Variants in CSMD1 observed in about 807,000 individuals in gnomAD.
The protein encoded by CSMD1 is CUB and sushi domain-containing protein 1.
A neutral mutation model predicts 417.5 loss-of-function variants in CSMD1; 213 were observed. That is an observed-to-expected ratio of 0.51 (90% confidence interval 0.46 to 0.57). The LOEUF is 0.57. CSMD1 is among the 20% of genes least tolerant of loss of function. The pLI is 0.00. For synonymous variants in CSMD1, 2,862 were observed against 1,736.8 expected, an observed-to-expected ratio of 1.65 and a Z score of -16.11; for missense variants, 6,923 against 4,529.7, an observed-to-expected ratio of 1.53 and a Z score of -15.17.
At chr8:3,748,415 G>A (rs181945326) in intron 6 of CSMD1, among the ~76,000 whole-genome samples, 3 of 152,252 alleles carry the variant, frequency 2.0e-5, no homozygotes, top group Admixed American at 2.0e-4. Context: ...AAACAGGCAG[G>A]AGGCCCATGT....
chr8:4,376,540 T>G (rs1429158186), intron 3 of CSMD1, among the ~76,000 whole-genome samples: 1 of 152,216 alleles, frequency 6.6e-6, no homozygotes. Context: ...AATTTTTAAT[T>G]TAATTTTATC....
chr8:3,442,437 CT>C (rs1815044895), intron 12 of CSMD1, among the ~76,000 whole-genome samples: 1 of 152,146 alleles, frequency 6.6e-6, no homozygotes, highest in Admixed American at 6.6e-5. Flanking sequence ...AGATGTCCCA[CT>C]TTTTTATCTC....
chr8:3,722,647 G>A (rs543841376), intron 6 of CSMD1, among the ~76,000 whole-genome samples: 2 of 152,278 alleles, frequency 1.3e-5, no homozygotes, highest in South Asian at 2.1e-4. Flanking sequence ...GTCCAGGCAT[G>A]AAATGTGTAT....
At chr8:2,952,547 C>A (rs1232236284) in intron 65 of CSMD1, among the ~76,000 whole-genome samples, 1 of 152,178 alleles carries the variant, frequency 6.6e-6, no homozygotes. Context: ...AAGTATCTAA[C>A]ACATTTGCTT....
chr8:4,218,819 C>T (rs538106995), intron 3 of CSMD1, among the ~76,000 whole-genome samples: 1 of 152,204 alleles, frequency 6.6e-6, no homozygotes, highest in African/African-American at 2.4e-5. Context: ...AGTGTCAATC[C>T]TTTTATTCTG....
At chr8:4,553,523 G>C (rs1216603023) in intron 2 of CSMD1, among the ~76,000 whole-genome samples, 1 of 146,424 alleles carries the variant, frequency 6.8e-6, no homozygotes, top group African/African-American at 2.5e-5. Context: ...AAAGAGTTTT[G>C]ATGTTCTTTA....
intron 2 of CSMD1, among the ~76,000 whole-genome samples, chr8:4,437,436 G>A (rs763496024): frequency 6.6e-5 from 10 of 152,104 alleles, no homozygotes; most frequent in East Asian, 1.9e-4. Context: ...ATGATTATCC[G>A]TAAAATCAGA....
At chr8:3,037,336 G>C (rs1338735689) in intron 50 of CSMD1, among the ~76,000 whole-genome samples, 1 of 144,068 alleles carries the variant, frequency 6.9e-6, no homozygotes, top group Non-Finnish European at 1.6e-5. Flanking sequence ...CTCCCGAGTA[G>C]CTGGGACTAC....
intron 7 of CSMD1, among the ~76,000 whole-genome samples, chr8:3,631,656 G>A (rs559159397): frequency 2.7e-4 from 41 of 152,324 alleles, no homozygotes; most frequent in African/African-American, 9.4e-4. Context: ...AGCCAGTCCA[G>A]CTCAGGTGGA....
At chr8:4,606,800 T>A (rs1359517001) in intron 2 of CSMD1, among the ~76,000 whole-genome samples, 6 of 152,204 alleles carry the variant, frequency 3.9e-5, no homozygotes, top group Admixed American at 6.5e-5. Flanking sequence ...GTATCATTTC[T>A]CCCCAAATAG....
chr8:4,469,404 C>G (rs1005886505), intron 2 of CSMD1, among the ~76,000 whole-genome samples: 1 of 152,128 alleles, frequency 6.6e-6, no homozygotes, highest in African/African-American at 2.4e-5. Context: ...AGCATTCTGC[C>G]GTATTTTCAG....
intron 1 of CSMD1, among the ~76,000 whole-genome samples, chr8:4,974,726 T>C (rs1810445967): frequency 6.6e-6 from 1 of 152,230 alleles, no homozygotes; most frequent in East Asian, 1.9e-4. Flanking sequence ...CTTTGGTCTT[T>C]GCTCTGCAAT....
At chr8:3,694,876 C>T (rs1219632161) in intron 7 of CSMD1, among the ~76,000 whole-genome samples, 1 of 152,020 alleles carries the variant, frequency 6.6e-6, no homozygotes. Context: ...CCATAGAAAC[C>T]TGCTGGATTC....
At chr8:3,495,709 A>C (rs1026762931) in intron 10 of CSMD1, among the ~76,000 whole-genome samples, 1 of 152,210 alleles carries the variant, frequency 6.6e-6, no homozygotes, top group Non-Finnish European at 1.5e-5. Context: ...CCATCCTTTC[A>C]GAGTAAAAGA....
chr8:3,515,296 T>G (rs1797239576), intron 10 of CSMD1: 1 of 152,178 alleles, frequency 6.6e-6, no homozygotes, highest in Non-Finnish European at 1.5e-5. Context: ...GTGTAAATAA[T>G]GATATCTGAG....
At chr8:4,302,630 T>C (rs776645155) in intron 3 of CSMD1, among the ~76,000 whole-genome samples, 2 of 152,200 alleles carry the variant, frequency 1.3e-5, no homozygotes, top group African/African-American at 2.4e-5. Context: ...TGTTTTTCTC[T>C]GACACAAAGG....
At chr8:4,272,379 G>A (rs1804658718) in intron 3 of CSMD1, among the ~76,000 whole-genome samples, 1 of 152,206 alleles carries the variant, frequency 6.6e-6, no homozygotes, top group East Asian at 1.9e-4. Context: ...TTCACCTGAA[G>A]TCTCAGTTTC....
At chr8:4,832,682 A>T (rs554689955) in intron 1 of CSMD1, among the ~76,000 whole-genome samples, 1 of 152,164 alleles carries the variant, frequency 6.6e-6, no homozygotes, top group Non-Finnish European at 1.5e-5. Flanking sequence ...CACAAAGAAA[A>T]CTCTCAGGTA....
chr8:3,185,113 G>T (rs947676742), intron 36 of CSMD1, among the ~76,000 whole-genome samples: 7 of 152,216 alleles, frequency 4.6e-5, no homozygotes, highest in Non-Finnish European at 7.3e-5. Flanking sequence ...ATAGCCAGTT[G>T]GTCAGAGTGC....
Sources: gnomAD v4.1 joint callset for allele counts (sites outside exome capture counted in the v4.1 genomes callset) on GRCh38, gnomAD v4.1.1 for gene constraint, MANE v1.5 for transcripts, NCBI Gene and HGNC (gene_info 2026-07-23, HGNC 2026-07-21) for gene names.